CDK5RAP2: variants seen among roughly 807,000 people sequenced by gnomAD.
CDK5RAP2 encodes CDK5 regulatory subunit associated protein 2.
In CDK5RAP2, 147 loss-of-function variants were observed where a neutral mutation model predicts 232.9. That is an observed-to-expected ratio of 0.63 (90% CI 0.55 to 0.72). The LOEUF is 0.72. CDK5RAP2 is among the 30% of genes least tolerant of loss of function. The pLI, the probability that CDK5RAP2 is intolerant of heterozygous loss-of-function variation, is 0.00. For missense variants in CDK5RAP2, 2,195 were observed against 2,231.5 expected, an observed-to-expected ratio of 0.98 and a Z score of 0.33; for synonymous variants, 833 against 833.7, an observed-to-expected ratio of 1.00 and a Z score of 0.01.
Position 120,389,249 on chromosome 9 carries a change from C to G in CDK5RAP2, c.5669G>C (p.Arg1890Thr), listed in dbSNP as rs767248166. The change falls in exon 38 of 38, where the codon AGA (arginine) becomes ACA (threonine). Residue 1890 changes from arginine to threonine, a missense_variant. Transcript: ENST00000349780. ...GAHPGTCSPS[R>T]PGS Reference sequence around the variant, plus strand: ...TGAAAGTTCTTCTCAGGAGCCTGGTCTGCTGGGACTGCATGTTCCTGGATG... The same window carrying G: ...TGAAAGTTCTTCTCAGGAGCCTGGTGTGCTGGGACTGCATGTTCCTGGATG... 1.3e-5 allele frequency: 21 copies of G among 1,612,734 alleles called. No homozygotes were observed. In the South Asian group the frequency reaches 2.2e-4, roughly 17 times the overall value.
Position 120,543,718 on chromosome 9 carries a change from C to A in CDK5RAP2, c.383+1996G>T, listed in dbSNP as rs373800616. On this transcript the variant is annotated intron_variant, in intron 5 of 37. Transcript: ENST00000349780. The stretch of plus-strand genomic sequence containing the variant: ...TACAAAAATACAAAAGTTAGCTGAG[C>A]ATGGCGGCACATGCCTGTAATCCCA... 2.8e-4 allele frequency among the ~76,000 whole-genome samples: 43 copies of A among 152,278 alleles called. 1 individual carries two copies. The highest frequency in any genetic ancestry group is 9.6e-4 in the African/African-American group (40 of 41,552).
chr9:120,554,322 C>T (rs180937487), intron 3 of CDK5RAP2, among the ~76,000 whole-genome samples: 2 of 152,170 alleles, frequency 1.3e-5, no homozygotes, highest in Admixed American at 1.3e-4. Flanking sequence ...AATTGTGAAG[C>T]GAGTGCTGAT....
intron 16 of CDK5RAP2, among the ~76,000 whole-genome samples, chr9:120,470,645 A>ATTT (rs34808923): frequency 7.0e-6 from 1 of 143,742 alleles, no homozygotes; most frequent in Non-Finnish European, 1.5e-5. Context: ...GTGTCTGATC[A>ATTT]TTTTTTTTTT....
At chr9:120,510,890 T>C (rs1334047625) in intron 12 of CDK5RAP2, among the ~76,000 whole-genome samples, 1 of 152,154 alleles carries the variant, frequency 6.6e-6, no homozygotes, top group Non-Finnish European at 1.5e-5. Context: ...ACTACCAAAG[T>C]AAAAACCAAA....
intron 3 of CDK5RAP2, among the ~76,000 whole-genome samples, chr9:120,551,922 A>C (rs951388135): frequency 6.6e-6 from 1 of 152,230 alleles, no homozygotes; most frequent in African/African-American, 2.4e-5. Flanking sequence ...AGAATGGAAG[A>C]AAATGTTTGC....
At chr9:120,497,421 T>TAAAAAAAAAAAAAAAAAAAAAAAAAAA (rs71385064) in intron 12 of CDK5RAP2, among the ~76,000 whole-genome samples, 1 of 23,298 alleles carries the variant, frequency 4.3e-5, no homozygotes, top group East Asian at 6.3e-3. Flanking sequence ...AAAATAAATT[T>TAAAAAAAAAAAAAAAAAAAAAAAAAAA]AAAAAAAAAA....
intron 36 of CDK5RAP2, among the ~76,000 whole-genome samples, chr9:120,393,142 A>T (rs766877498): frequency 1.8e-5 from 2 of 109,800 alleles, no homozygotes; most frequent in Non-Finnish European, 4.0e-5. Flanking sequence ...CTTCGCTGAC[A>T]AATTCCTAGT....
intron 27 of CDK5RAP2, among the ~76,000 whole-genome samples, chr9:120,415,905 A>T (rs898701786): frequency 6.6e-6 from 1 of 152,220 alleles, no homozygotes; most frequent in Non-Finnish European, 1.5e-5. Flanking sequence ...CTCCAAATGT[A>T]ACTGTAGTAC....
chr9:120,401,202 C>T (rs2131261118), intron 34 of CDK5RAP2, among the ~76,000 whole-genome samples: 1 of 151,896 alleles, frequency 6.6e-6, no homozygotes, highest in South Asian at 2.1e-4. Flanking sequence ...GTTTGGCGAC[C>T]CACAGAGACT....
intron 25 of CDK5RAP2, among the ~76,000 whole-genome samples, chr9:120,423,319 G>C (rs7863555): frequency 0.11 from 16,143 of 152,152 alleles, 1,922 homozygotes; most frequent in African/African-American, 0.3. Flanking sequence ...TAGGTCATTT[G>C]CAAATTTTCA....
At chr9:120,407,615 T>TA (rs919039155) in intron 31 of CDK5RAP2, 1 of 187,418 alleles carries the variant, frequency 5.3e-6, no homozygotes, top group Admixed American at 5.8e-5. Flanking sequence ...ACAGCAAGAA[T>TA]AAAAAAAGCA....
intron 25 of CDK5RAP2, among the ~76,000 whole-genome samples, chr9:120,424,988 C>T (rs2034803883): frequency 1.3e-5 from 2 of 152,168 alleles, no homozygotes; most frequent in Non-Finnish European, 2.9e-5. Context: ...TGAGCCACTG[C>T]ACCTGGCCAC....
Position 120,518,486 on chromosome 9 carries a change from G to A in CDK5RAP2, c.1252C>T (p.Leu418=). Residue 418 remains leucine (L), a synonymous_variant, in exon 12 of 38, where the codon CTG becomes TTG. Coordinates refer to ENST00000349780, the MANE Select transcript of CDK5RAP2 (RefSeq NM_018249.6). The part of the protein sequence containing the change: ...LSDLQQERER[L]EKDLEEAHRE... ...TGGGCTTCCTCCAGGTCCTTCTCCA[G>A]TCTCTCCCTCTCCTGCTGCAAGTCA... The A allele has an allele frequency of 6.2e-7, 1 of 1,613,618 alleles. No homozygotes were observed. Among genetic ancestry groups the A allele is most frequent in the African/African-American group, 1.3e-5 (1 of 74,814 alleles).
rs767396308 is a variant in CDK5RAP2, at chr9:120,518,469, C to T, written c.1269G>A (p.Glu423=). The T allele has an allele frequency of 6.2e-7, 1 of 1,613,862 alleles. No homozygotes were observed. The highest frequency in any genetic ancestry group is 8.5e-7 in the Non-Finnish European group (1 of 1,179,984). The change falls in exon 12 of 38, where the codon GAG becomes GAA. Residue 423 remains glutamate (E), a synonymous_variant. Coordinates refer to ENST00000349780, the MANE Select transcript of CDK5RAP2 (RefSeq NM_018249.6). Reference sequence around the variant, plus strand: ...CTTTGCTCTTCTCTCGATGGGCTTCCTCCAGGTCCTTCTCCAGTCTCTCCC... The same window carrying T: ...CTTTGCTCTTCTCTCGATGGGCTTCTTCCAGGTCCTTCTCCAGTCTCTCCC... ...QERERLEKDL[E]EAHREKSKGD... is the part of the protein sequence containing the mutation.
chr9:120,439,934 G>T lies in CDK5RAP2; in HGVS notation c.3187C>A (p.Pro1063Thr), dbSNP rs768235984. The T allele has an allele frequency of 4.3e-6, 7 of 1,614,078 alleles. No homozygotes were observed. The highest frequency in any genetic ancestry group is 2.5e-6 in the Non-Finnish European group (3 of 1,180,026). ...TCTTCAGGATTTTCTTTGCATGATGGCAAGCTGGCAAGGTCATCAGGTGGG... is the reference window on the plus strand; with the variant it reads ...TCTTCAGGATTTTCTTTGCATGATGTCAAGCTGGCAAGGTCATCAGGTGGG... Reference protein sequence around the residue: ...ICPPDDLASLPSCKENPEDVL... With the variant: ...ICPPDDLASLTSCKENPEDVL... Residue 1063 changes from proline (P) to threonine (T), a missense_variant, in exon 24 of 38, where the codon CCA (proline) becomes ACA (threonine). Pro to Thr is a conservative substitution (Grantham distance 38). Transcript: ENST00000349780.
At chr9:120,392,521 C>G (rs774879313) in intron 36 of CDK5RAP2, among the ~76,000 whole-genome samples, 3 of 152,244 alleles carry the variant, frequency 2.0e-5, no homozygotes, top group Non-Finnish European at 4.4e-5. Flanking sequence ...GCTACCTGCC[C>G]TGTGACTGTT....
intron 27 of CDK5RAP2, among the ~76,000 whole-genome samples, chr9:120,416,954 C>T (rs2034257301): frequency 6.6e-6 from 1 of 152,220 alleles, no homozygotes; most frequent in Non-Finnish European, 1.5e-5. Context: ...ATTCCCAGAC[C>T]TTCAGCTATC....
chr9:120,578,425 T>C (rs1318547845), intron 1 of CDK5RAP2, among the ~76,000 whole-genome samples: 1 of 152,082 alleles, frequency 6.6e-6, no homozygotes, highest in Non-Finnish European at 1.5e-5. Flanking sequence ...AGGACCCAAT[T>C]AGACAGGAAC....
At position 120,397,561 on chromosome 9, in the gene CDK5RAP2, A is replaced by G. The variant is rs1338215418; in HGVS notation, c.5452-2923T>C. The stretch of plus-strand genomic sequence containing the variant: ...AACATTCTTAAAAAAAAAAAAAAAA[A>G]AAAAGAAAAAAGAAAAAAAAAAAAG... On this transcript the variant is annotated intron_variant, in intron 35 of 37. Transcript: ENST00000349780. 1.8e-3 allele frequency among the ~76,000 whole-genome samples: 236 copies of G among 131,156 alleles called. 3 individuals are homozygous for G. The highest frequency in any genetic ancestry group is 0.013 in the East Asian group (63 of 4,674). The allele number at this position is 131,156 out of a possible 152,430, so 86.0% of individuals were successfully genotyped here.
Sources: gnomAD v4.1 joint callset for allele counts (sites outside exome capture counted in the v4.1 genomes callset) on GRCh38, gnomAD v4.1.1 for gene constraint, MANE v1.5 for transcripts, NCBI Gene and HGNC (gene_info 2026-07-23, HGNC 2026-07-21) for gene names.